RFX2: variants seen among roughly 807,000 people sequenced by gnomAD.
RFX2 encodes regulatory factor X2.
Under a neutral mutation model 87.8 loss-of-function variants are expected in RFX2, and 20 were observed. The observed-to-expected ratio is 0.23, with a 90% CI of 0.16 to 0.33. The LOEUF is 0.33. Among genes scored for constraint, RFX2 ranks in the 10% least tolerant of loss-of-function variants. RFX2 has a pLI of 1.00. For missense variants in RFX2, 767 were observed against 1,012.3 expected (o/e 0.76, Z 3.29); for synonymous variants, 397 against 431.3 (o/e 0.92, Z 0.98).
intron 1 of RFX2, among the ~76,000 whole-genome samples, chr19:6,070,115 G>GT (rs1390872374): frequency 1.7e-4 from 4 of 23,600 alleles, no homozygotes; most frequent in Non-Finnish European, 1.9e-4. Flanking sequence ...GGGATGGGAT[G>GT]GGATGGGATG....
At chr19:6,070,648 C>A (rs1220430952) in intron 1 of RFX2, among the ~76,000 whole-genome samples, 1 of 152,124 alleles carries the variant, frequency 6.6e-6, no homozygotes, top group Non-Finnish European at 1.5e-5. Flanking sequence ...CACCTCAATG[C>A]CTGACAGAAG....
Position 6,007,974 on chromosome 19 carries a change from G to T in RFX2, c.1134+132C>A, listed in dbSNP as rs1218437992. The T allele has an allele frequency of 1.2e-6, 1 of 807,558 alleles. No individual in the cohort carries two copies. The highest frequency in any genetic ancestry group is 2.1e-6 in the Non-Finnish European group (1 of 475,136). 50.0% of individuals were successfully genotyped at this position (807,558 alleles called of 1,614,324 possible). A position where few individuals can be genotyped will look rare whatever the true frequency, so the allele number is the denominator to read the frequency against. The stretch of plus-strand genomic sequence containing the variant: ...TGGACATGGATGCGGAGGGGCTGCT[G>T]CTTCAGAGAGGATGCTTGTTGGGGG... On this transcript the variant is annotated intron_variant, in intron 10 of 17. Coordinates refer to ENST00000303657, the MANE Select transcript of RFX2 (RefSeq NM_000635.4). This position sits in a 1 kb window ranked among gnomAD's most constrained non-coding sequence, Gnocchi z 8.2.
chr19:6,103,282 T>C (rs1444418544), intron 1 of RFX2, among the ~76,000 whole-genome samples: 1 of 152,224 alleles, frequency 6.6e-6, no homozygotes, highest in Non-Finnish European at 1.5e-5. Context: ...CTGTACTTTT[T>C]AGAAAGTCAT....
intron 1 of RFX2, among the ~76,000 whole-genome samples, chr19:6,070,157 G>A (rs1222732253): frequency 4.7e-5 from 3 of 64,488 alleles, no homozygotes; most frequent in Admixed American, 1.5e-4. Context: ...GGATGTGGAT[G>A]GGATGGGATG....
intron 1 of RFX2, among the ~76,000 whole-genome samples, chr19:6,085,614 T>A (rs927654344): frequency 6.6e-6 from 1 of 152,242 alleles, no homozygotes; most frequent in African/African-American, 2.4e-5. Context: ...TTTTGAACGC[T>A]GATGGCCTAA....
rs2086430862 is a variant in RFX2, at chr19:5,997,533, G to T, written c.1860-320C>A. ...GCTGGTGCTAGCGCAGGCGCTAGAT[G>T]GGATCTTAGCTGGTGAGTCTTTCTA... On this transcript the variant is annotated intron_variant, in intron 15 of 17. Coordinates refer to ENST00000303657, the MANE Select transcript of RFX2 (RefSeq NM_000635.4). The surrounding 1 kb of genome is among the most constrained non-coding windows in gnomAD (Gnocchi z 4.2). Among the ~76,000 whole-genome samples the T allele has an allele frequency of 1.3e-5, 2 of 152,208 alleles. No homozygotes were observed. The highest frequency in any genetic ancestry group is 2.9e-5 in the Non-Finnish European group (2 of 68,030).
At chr19:6,049,432 G>A (rs1164309522) in intron 1 of RFX2, among the ~76,000 whole-genome samples, 2 of 152,216 alleles carry the variant, frequency 1.3e-5, no homozygotes, top group Non-Finnish European at 2.9e-5. Flanking sequence ...GATAAATGGC[G>A]AGACCGTGGT....
chr19:6,040,001 G>C lies in RFX2; in HGVS notation c.501C>G (p.Thr167=), dbSNP rs755920535. 31 of 1,593,648 alleles carry C rather than the reference G, an allele frequency of 1.9e-5. No homozygotes were observed. The highest frequency in any genetic ancestry group is 2.4e-5 in the Non-Finnish European group (28 of 1,168,314). ...ATACCGTGGCGGGCGATGAGCGGGA[G>C]GTGTGGGCCAGGGAGTGTCTGGTGC... ...MDSTRHSLAH[T]SRSSPATLEM... is the part of the protein sequence containing the mutation. Residue 167 remains threonine (T), a synonymous_variant, in exon 5 of 18, where the codon ACC becomes ACG. Transcript: ENST00000303657. The surrounding 1 kb of genome is among the most constrained non-coding windows in gnomAD (Gnocchi z 6.1).
chr19:6,106,230 CCCATCCATCCATCCAT>C (rs56665747), intron 1 of RFX2, among the ~76,000 whole-genome samples: 9 of 149,960 alleles, frequency 6.0e-5, no homozygotes, highest in African/African-American at 1.5e-4. Flanking sequence ...CATCGGCCTG[CCCATCCATCCATCCAT>C]CCATCCATCC....
In RFX2 at chr19:6,044,921, G is replaced by A. The variant is rs1421352927; in HGVS notation, c.91-639C>T. ...CAGCCTCCTAAGTCAAATCTGCACAGTGTGGCTTTGCTATTTTTCTGGGAG... is the reference window on the plus strand; with the variant it reads ...CAGCCTCCTAAGTCAAATCTGCACAATGTGGCTTTGCTATTTTTCTGGGAG... On this transcript the variant is annotated intron_variant, in intron 2 of 17. Transcript: ENST00000303657. This position sits in a 1 kb window ranked among gnomAD's most constrained non-coding sequence, Gnocchi z 5.3. Among the ~76,000 whole-genome samples, 1 of 152,208 alleles carries A rather than the reference G, an allele frequency of 6.6e-6. No individual in the cohort carries two copies. The highest frequency in any genetic ancestry group is 1.5e-5 in the Non-Finnish European group (1 of 68,042).
chr19:6,015,014 G>A (rs1200336591), intron 7 of RFX2, among the ~76,000 whole-genome samples: 2 of 152,322 alleles, frequency 1.3e-5, no homozygotes, highest in Non-Finnish European at 2.9e-5. Flanking sequence ...TGGAGGTGCT[G>A]CTGTTTCTTT....
chr19:6,091,012 T>C (rs1049433974), intron 1 of RFX2, among the ~76,000 whole-genome samples: 3 of 152,156 alleles, frequency 2.0e-5, no homozygotes, highest in South Asian at 2.1e-4. Context: ...AAAACCCACA[T>C]AGACAAGAAG....
intron 2 of RFX2, among the ~76,000 whole-genome samples, chr19:6,046,300 G>C (rs2087188202): frequency 6.6e-6 from 1 of 152,096 alleles, no homozygotes; most frequent in Non-Finnish European, 1.5e-5. Flanking sequence ...ACTCATCTAG[G>C]CTGGGCGTGG....
At chr19:6,098,993 A>AAAAAAAAG (rs2088071796) in intron 1 of RFX2, among the ~76,000 whole-genome samples, 1 of 147,268 alleles carries the variant, frequency 6.8e-6, no homozygotes, top group Non-Finnish European at 1.5e-5. Flanking sequence ...AAAAAAAAAA[A>AAAAAAAAG]GCTAAGGGTT....
At position 6,074,157 on chromosome 19, in the gene RFX2, C is replaced by T. The variant is rs938858368; in HGVS notation, c.-8-26653G>A. On this transcript the variant is annotated intron_variant, in intron 1 of 17. Coordinates refer to ENST00000303657, the MANE Select transcript of RFX2 (RefSeq NM_000635.4). This position sits in a 1 kb window ranked among gnomAD's most constrained non-coding sequence, Gnocchi z 5.2. ...TGAAGGGCAGCTCTGCCCAAAGCGG[C>T]GGACCAGGTGGGCAAACAGAGAGCC... is the stretch of plus-strand genomic sequence containing the variant. Among the ~76,000 whole-genome samples the T allele has an allele frequency of 9.9e-5, 15 of 152,108 alleles. No homozygotes were observed. Among genetic ancestry groups the T allele is most frequent in the Non-Finnish European group, 1.8e-4 (12 of 68,036 alleles).
At chr19:6,033,148 G>A (rs576058923) in intron 5 of RFX2, among the ~76,000 whole-genome samples, 1 of 152,268 alleles carries the variant, frequency 6.6e-6, no homozygotes, top group East Asian at 1.9e-4. Flanking sequence ...CAGCAGGACC[G>A]ATTCTTACAG....
chr19:6,075,737 C>T (rs1277063855), intron 1 of RFX2, among the ~76,000 whole-genome samples: 1 of 152,136 alleles, frequency 6.6e-6, no homozygotes, highest in Non-Finnish European at 1.5e-5. Context: ...TCAGATGACA[C>T]CCACATGCAG....
intron 1 of RFX2, among the ~76,000 whole-genome samples, chr19:6,065,117 G>A (rs1413805460): frequency 1.3e-5 from 2 of 152,186 alleles, no homozygotes; most frequent in Non-Finnish European, 2.9e-5. Context: ...GGACTGGGCA[G>A]AAAATAATAT....
chr19:6,091,415 T>A (rs1282235979), intron 1 of RFX2, among the ~76,000 whole-genome samples: 2 of 149,652 alleles, frequency 1.3e-5, no homozygotes, highest in Non-Finnish European at 3.0e-5. Context: ...ACCACCCCAC[T>A]GCAGCCTGGG....
Sources: gnomAD v4.1 joint callset for allele counts (sites outside exome capture counted in the v4.1 genomes callset) on GRCh38, gnomAD v4.1.1 for gene constraint, Gnocchi (gnomAD v3.1) non-coding constraint, MANE v1.5 for transcripts, NCBI Gene and HGNC (gene_info 2026-07-23, HGNC 2026-07-21) for gene names.